Variants in LAMA5 observed in about 807,000 individuals in gnomAD.
The protein encoded by LAMA5 is laminin subunit alpha 5.
In LAMA5, 260 loss-of-function variants were observed where a neutral mutation model predicts 433.4. That is an observed-to-expected ratio of 0.60 (90% CI 0.54 to 0.66). The LOEUF is 0.66. Among genes scored for constraint, LAMA5 ranks in the 30% least tolerant of loss-of-function variants. The probability of loss-of-function intolerance (pLI) is 0.00; values close to 1 mark genes in which losing one functional copy is unlikely to be tolerated. For missense variants in LAMA5, 5,378 were observed against 5,258.5 expected, an observed-to-expected ratio of 1.02 and a Z score of -0.70; for synonymous variants, 2,620 against 2,226.6, an observed-to-expected ratio of 1.18 and a Z score of -4.97.
chr20:62,316,298 C>T (rs1048195390), intron 57 of LAMA5: 3 of 576,848 alleles, frequency 5.2e-6, no homozygotes, highest in Non-Finnish European at 9.3e-6. Flanking sequence ...ACAGATGAAA[C>T]AATAGAGGCT....
At chr20:62,330,151 C>T (rs1002221634) in intron 31 of LAMA5, among the ~76,000 whole-genome samples, 1 of 152,238 alleles carries the variant, frequency 6.6e-6, no homozygotes, top group South Asian at 2.1e-4. Context: ...ACTCCATGTG[C>T]GGGACCCCAG....
rs558982176 is a variant in LAMA5 at position 62,309,286 on chromosome 20, G to C, written c.*50C>G. On this transcript the variant is annotated 3_prime_UTR_variant, in exon 80 of 80. Transcript: ENST00000252999. ...CACCTATGAGGCGAGCACAAGGGGCGGTGTGAGGCAGCTGCAGGGGCCTGA... is the reference window on the plus strand; with the variant it reads ...CACCTATGAGGCGAGCACAAGGGGCCGTGTGAGGCAGCTGCAGGGGCCTGA... 1.9e-6 allele frequency: 3 copies of C among 1,570,314 alleles called. No individual in the cohort carries two copies. The Admixed American group carries it at 5.2e-5, about 27-fold the overall frequency.
At chr20:62,323,903 G>C (rs772454931) in intron 43 of LAMA5, 47 bp from the exon 44 acceptor site, 1 of 1,542,650 alleles carries the variant, frequency 6.5e-7, no homozygotes. Flanking sequence ...GCAGTGCCCG[G>C]GCCCGGGCGA....
In LAMA5 at chr20:62,333,576, T is replaced by A. The variant is rs749525036; in HGVS notation, c.3009A>T (p.Glu1003Asp). The A allele has an allele frequency of 1.7e-5, 27 of 1,566,760 alleles. No individual in the cohort carries two copies. Among genetic ancestry groups the A allele is most frequent in the Non-Finnish European group, 2.2e-5 (26 of 1,156,226 alleles). ...PGTWALRVEA[E>D]GVLLDYVVLL... ...GCCCCTGCCTCACCAGGAGCACCCC[T>A]TCGGCCTCCACACGCAGGGCCCAGG... The change falls in exon 24 of 80, where the codon GAA becomes GAT. Residue 1003 changes from glutamate (E) to aspartate (D), a missense_variant. By Grantham distance (45) the Glu-to-Asp change is conservative. Coordinates refer to ENST00000252999, the MANE Select transcript of LAMA5 (RefSeq NM_005560.6).
intron 45 of LAMA5, among the ~76,000 whole-genome samples, chr20:62,323,141 G>A (rs1253609247): frequency 2.0e-5 from 3 of 148,636 alleles, no homozygotes; most frequent in Non-Finnish European, 4.5e-5. Flanking sequence ...CCTGATCATG[G>A]GTAGGGGAGG....
chr20:62,360,504 G>A (rs1202001101), intron 2 of LAMA5, among the ~76,000 whole-genome samples: 20 of 796 alleles, frequency 0.025, 10 homozygotes, highest in East Asian at 0.08. Flanking sequence ...GGTGGGTGGA[G>A]GGATAGATGG....
intron 6 of LAMA5, 21 bp from the exon 7 acceptor site, chr20:62,347,049 G>C: frequency 6.3e-7 from 1 of 1,594,158 alleles, no homozygotes. Context: ...CACAGGAGGG[G>C]GGATCAGGCC....
At position 62,324,546 on chromosome 20, in the gene LAMA5, G is replaced by A. The variant is rs375281737; in HGVS notation, c.5538C>T (p.Ala1846=). ...SYRGDSCQEC[A]PGFYRDVKGL... ...CTTTGACGTCCCGATAGAAGCCGGG[G>A]GCACATTCCTGAGGGTGTACGGGGG... Residue 1846 remains alanine (A), a synonymous_variant, in exon 42 of 80, where the codon GCC becomes GCT. Transcript: ENST00000252999. The surrounding 1 kb of genome is among the most constrained non-coding windows in gnomAD (Gnocchi z 4.4). 31 of 1,610,628 alleles carry A rather than the reference G, an allele frequency of 1.9e-5. No homozygotes were observed. Among genetic ancestry groups the A allele is most frequent in the Admixed American group, 5.0e-5 (3 of 59,802 alleles).
Position 62,312,535 on chromosome 20 carries a change from G to A in LAMA5, c.9228-3C>T, listed in dbSNP as rs376272910. 4 of 1,599,554 alleles carry A rather than the reference G, an allele frequency of 2.5e-6. 1 individual carries two copies. In the South Asian group the frequency reaches 4.4e-5, roughly 18 times the overall value. ...CGGTGGGGAAGAGCCGTCGCAGGCT[G>A]TGGGGAAGCGGGGATGCGGGTCAGG... On this transcript the variant is annotated splice_region_variant and splice_polypyrimidine_tract_variant and intron_variant, in intron 67 of 79. Transcript: ENST00000252999.
intron 18 of LAMA5, among the ~76,000 whole-genome samples, chr20:62,335,642 TC>T: frequency 1.2e-5 from 1 of 81,960 alleles, no homozygotes; most frequent in East Asian, 4.1e-4. Flanking sequence ...ACCCCAACAT[TC>T]CCTCCAGGGC....
Position 62,362,565 on chromosome 20 carries a change from CGGGA to C in LAMA5, c.298-17_298-14del, listed in dbSNP as rs1986259777. On this transcript the variant is annotated splice_polypyrimidine_tract_variant and intron_variant, in intron 1 of 79. Transcript: ENST00000252999. Reference sequence around the variant, plus strand: ...CACAGTACTGGCCCTGCAGAGGGAACGGGAGGGTCAGATAGCCGAGAAGGGCCGG... The same window carrying C: ...CACAGTACTGGCCCTGCAGAGGGAACGGGTCAGATAGCCGAGAAGGGCCGG... 6.6e-7 allele frequency: 1 copy of C among 1,520,398 alleles called. No homozygotes were observed. The highest frequency in any genetic ancestry group is 8.9e-7 in the Non-Finnish European group (1 of 1,129,030). The allele number at this position is 1,520,398 out of a possible 1,614,324, so 94.2% of individuals were successfully genotyped here.
rs749634603 is a variant in LAMA5 at position 62,326,991 on chromosome 20, A to AT, written c.5113-26_5113-25insA. ...CCTGGAGGCAGGACAGACAGAGGTG[A>AT]CCTGGCCAGACTCTGGCCACAGGCT... is the stretch of plus-strand genomic sequence containing the variant. On this transcript the variant is annotated intron_variant, in intron 38 of 79. Coordinates refer to ENST00000252999, the MANE Select transcript of LAMA5 (RefSeq NM_005560.6). 5.3e-6 allele frequency: 8 copies of AT among 1,515,550 alleles called. No homozygotes were observed. In the South Asian group the frequency reaches 9.4e-5, roughly 18 times the overall value. 93.9% of individuals were successfully genotyped at this position (1,515,550 alleles called of 1,614,324 possible).
chr20:62,317,156 C>T (rs1987032535), intron 55 of LAMA5, 133 bp from the exon 56 acceptor site: 2 of 1,210,174 alleles, frequency 1.7e-6, no homozygotes, highest in Non-Finnish European at 1.1e-6. Context: ...TTTGCCCGTG[C>T]CTGTCGCCTG....
At chr20:62,337,550 A>G in intron 16 of LAMA5, 40 bp downstream of exon 16, 1 of 1,566,132 alleles carries the variant, frequency 6.4e-7, no homozygotes, top group Non-Finnish European at 8.6e-7. Context: ...ACCCACACAC[A>G]GGCCCGGCAC....
intron 6 of LAMA5, among the ~76,000 whole-genome samples, chr20:62,349,270 C>CAAAAAAAAAAA (rs35537683): frequency 2.1e-5 from 1 of 46,604 alleles, no homozygotes; most frequent in Non-Finnish European, 3.4e-5. Flanking sequence ...GACTCCATCT[C>CAAAAAAAAAAA]AAAAAAAAAA....
rs760821486 is a variant in LAMA5, at chr20:62,323,612, C to T, written c.5908G>A (p.Asp1970Asn). Residue 1970 changes from aspartate to asparagine, a missense_variant, in exon 45 of 80, where the codon GAC becomes AAC. Physicochemically the swap from Asp to Asn is conservative, Grantham distance 23. Coordinates refer to ENST00000252999, the MANE Select transcript of LAMA5 (RefSeq NM_005560.6). ...TTGGGGTCACCGTTGCCGCTGCAGT[C>T]GCATGGCTGGCAGGAGCTGCCCAGC... ...LVLGSSCQPC[D>N]CSGNGDPNLL... 13 of 1,611,338 alleles carry T rather than the reference C, an allele frequency of 8.1e-6. No homozygotes were observed. Among genetic ancestry groups the T allele is most frequent in the African/African-American group, 5.3e-5 (4 of 74,904 alleles).
chr20:62,332,926 T>TGCAGGAG lies in LAMA5; in HGVS notation c.3282+157_3282+163dup, dbSNP rs143316001. The stretch of plus-strand genomic sequence containing the variant: ...TACAGACAGGCACTGAGGTCACACA[T>TGCAGGAG]GCAGGAGGCAGGAGGCAGGAGGCAG... On this transcript the variant is annotated intron_variant, in intron 26 of 79. Coordinates refer to ENST00000252999, the MANE Select transcript of LAMA5 (RefSeq NM_005560.6). 0.02 allele frequency among the ~76,000 whole-genome samples: 3,036 copies of TGCAGGAG among 150,858 alleles called. 85 individuals are homozygous for TGCAGGAG. The highest frequency in any genetic ancestry group is 0.065 in the African/African-American group (2,688 of 41,114).
Position 62,320,654 on chromosome 20 carries a change from G to A in LAMA5, c.6664C>T (p.Pro2222Ser). 2 of 1,608,642 alleles carry A rather than the reference G, an allele frequency of 1.2e-6. No homozygotes were observed. Among genetic ancestry groups the A allele is most frequent in the Non-Finnish European group, 1.7e-6 (2 of 1,178,538 alleles). The change falls in exon 50 of 80, where the codon CCC (proline) becomes TCC (serine). Residue 2222 changes from proline (P) to serine (S), a missense_variant. By Grantham distance (74) the Pro-to-Ser change is moderately conservative. Transcript: ENST00000252999. ...GCCGTCTCATGGCGGGGGCCCAGGG[G>A]GCTCCGGAGCTGGCTCTGTGGGAGG... ...IADLQSQLRS[P>S]LGPRHETAQQ...
rs1349557309 is a variant in LAMA5, at chr20:62,330,789, G to C, written c.3806C>G (p.Thr1269Ser). 2 of 1,561,804 alleles carry C rather than the reference G, an allele frequency of 1.3e-6. No homozygotes were observed. Among genetic ancestry groups the C allele is most frequent in the Non-Finnish European group, 1.7e-6 (2 of 1,154,324 alleles). The change falls in exon 30 of 80, where the codon ACC (threonine) becomes AGC (serine). Residue 1269 changes from threonine (T) to serine (S), a missense_variant. Physicochemically the swap from Thr to Ser is moderately conservative, Grantham distance 58. Coordinates refer to ENST00000252999, the MANE Select transcript of LAMA5 (RefSeq NM_005560.6). ...GGGCTCTGCATCAGGGTCCACAGCG[G>C]TGGGGGGCCGAGGTCGGGGTCCAGC... Reference protein sequence around the residue: ...SPAGPRPRPPTAVDPDAEPTL... With the variant: ...SPAGPRPRPPSAVDPDAEPTL...
Sources: allele counts gnomAD v4.1 joint callset (sites outside exome capture counted in the v4.1 genomes callset), GRCh38; gene constraint gnomAD v4.1.1; non-coding constraint Gnocchi (gnomAD v3.1); transcripts MANE v1.5; gene names NCBI Gene and HGNC (gene_info 2026-07-23, HGNC 2026-07-21).